Variants in OSBPL10 observed in about 807,000 individuals in gnomAD.
OSBPL10 encodes oxysterol binding protein like 10, also known as oxysterol-binding protein-related protein 10.
A neutral mutation model predicts 81.7 loss-of-function variants in OSBPL10; 49 were observed. That is an observed-to-expected ratio of 0.60 (90% CI 0.48 to 0.76). OSBPL10 has a LOEUF of 0.76. Ranked by LOEUF, OSBPL10 falls within the 30% of genes least tolerant of loss-of-function variation. The pLI is 0.00. For missense variants in OSBPL10, 923 were observed against 987.8 expected, an observed-to-expected ratio of 0.93 and a Z score of 0.88; for synonymous variants, 419 against 383.6, an observed-to-expected ratio of 1.09 and a Z score of -1.08.
At chr3:32,001,426 C>T (rs888215957) in intron 2 of OSBPL10, among the ~76,000 whole-genome samples, 4 of 152,086 alleles carry the variant, frequency 2.6e-5, no homozygotes, top group African/African-American at 9.7e-5. Flanking sequence ...CATTTTACAT[C>T]TATTATTGCT....
intron 2 of OSBPL10, among the ~76,000 whole-genome samples, chr3:32,001,100 G>A (rs947721017): frequency 6.6e-6 from 1 of 152,202 alleles, no homozygotes; most frequent in African/African-American, 2.4e-5. Context: ...TAGGGGCGCT[G>A]TTGTCTGTCC....
intron 5 of OSBPL10, among the ~76,000 whole-genome samples, chr3:31,737,786 G>A (rs144175673): frequency 0.037 from 5,597 of 152,120 alleles, 351 homozygotes; most frequent in African/African-American, 0.13. Context: ...GAGGTCAGGA[G>A]TTCGAGACCA....
chr3:31,669,428 G>A, intron 9 of OSBPL10, among the ~76,000 whole-genome samples: 1 of 152,214 alleles, frequency 6.6e-6, no homozygotes, highest in South Asian at 2.1e-4. Context: ...GGTCTATTTT[G>A]TATGGGGTCA....
At chr3:31,815,139 GA>G (rs1699806285) in intron 4 of OSBPL10, among the ~76,000 whole-genome samples, 1 of 22,302 alleles carries the variant, frequency 4.5e-5, no homozygotes, top group Non-Finnish European at 1.3e-4. Context: ...CATGAACACA[GA>G]GAGATGCCCT....
At chr3:31,961,906 GGT>G (rs1491575108) in intron 1 of OSBPL10, among the ~76,000 whole-genome samples, 1 of 110,374 alleles carries the variant, frequency 9.1e-6, no homozygotes, top group African/African-American at 5.9e-5. Flanking sequence ...GTTTTGTTTT[GGT>G]TTTTTTTTTT....
At chr3:31,946,075 G>A (rs956468661) in intron 1 of OSBPL10, among the ~76,000 whole-genome samples, 7 of 151,924 alleles carry the variant, frequency 4.6e-5, no homozygotes, top group Non-Finnish European at 8.8e-5. Context: ...CCGCCTCCCA[G>A]GTTCAAGTGA....
chr3:32,075,629 G>T (rs1699868178), intron 1 of OSBPL10, among the ~76,000 whole-genome samples: 1 of 152,124 alleles, frequency 6.6e-6, no homozygotes, highest in Non-Finnish European at 1.5e-5. Flanking sequence ...TCCCACTGTA[G>T]GTTTCCACAC....
At chr3:31,709,111 G>T in intron 6 of OSBPL10, 1 of 871,626 alleles carries the variant, frequency 1.1e-6, no homozygotes, top group Non-Finnish European at 1.4e-6. Flanking sequence ...TGGAGAAGCT[G>T]GATCTTATCC....
At chr3:32,047,120 G>C (rs1699628909) in intron 1 of OSBPL10, among the ~76,000 whole-genome samples, 1 of 152,102 alleles carries the variant, frequency 6.6e-6, no homozygotes, top group African/African-American at 2.4e-5. Flanking sequence ...TGAGACTCTA[G>C]GTGTGTGCCA....
At chr3:31,875,153 G>A (rs781037223) in intron 3 of OSBPL10, among the ~76,000 whole-genome samples, 15 of 148,692 alleles carry the variant, frequency 1.0e-4, no homozygotes, top group Admixed American at 5.4e-4. Context: ...ATGTATTTAC[G>A]TAGATACAGT....
intron 1 of OSBPL10, among the ~76,000 whole-genome samples, chr3:31,920,415 T>C (rs532296713): frequency 6.6e-5 from 10 of 152,066 alleles, no homozygotes; most frequent in African/African-American, 2.4e-4. Context: ...CTGAAGGAGG[T>C]AGGAGAAAGA....
At chr3:31,712,925 T>A (rs1302870408) in intron 6 of OSBPL10, among the ~76,000 whole-genome samples, 1 of 116,006 alleles carries the variant, frequency 8.6e-6, no homozygotes, top group Non-Finnish European at 2.3e-5. Flanking sequence ...TTTAATTTCT[T>A]GCTTACGCAC....
At position 31,747,899 on chromosome 3, in the gene OSBPL10, G is replaced by A. The variant is rs9819841; in HGVS notation, c.940+11C>T. On this transcript the variant is annotated intron_variant, in intron 5 of 11. Coordinates refer to ENST00000396556, the MANE Select transcript of OSBPL10 (RefSeq NM_017784.5). ...TCATCCCAAACATGGACAAGCCCCC[G>A]GGGGTCTTACCCGAGGCTCCTGGCT... is the stretch of plus-strand genomic sequence containing the variant. 1,427 of 1,612,102 alleles carry A rather than the reference G, an allele frequency of 8.9e-4. 13 individuals carry two copies. The African/African-American group carries it at 0.017, about 19-fold the overall frequency.
chr3:31,876,238 G>A (rs912930219), intron 3 of OSBPL10, among the ~76,000 whole-genome samples, 195 bp downstream of exon 3: 20 of 152,254 alleles, frequency 1.3e-4, no homozygotes, highest in African/African-American at 3.9e-4. Flanking sequence ...GCGTGCCTGC[G>A]TATTCTACCT....
intron 6 of OSBPL10, among the ~76,000 whole-genome samples, chr3:31,706,391 C>T (rs974060644): frequency 2.0e-5 from 3 of 152,184 alleles, no homozygotes; most frequent in African/African-American, 7.2e-5. Flanking sequence ...TTAGAAGGGT[C>T]TCTGCCCCTT....
chr3:31,770,963 G>A (rs1698364211), intron 4 of OSBPL10, among the ~76,000 whole-genome samples: 1 of 152,136 alleles, frequency 6.6e-6, no homozygotes, highest in African/African-American at 2.4e-5. Flanking sequence ...GTAGGCTGAG[G>A]ACACCACTTA....
chr3:31,964,437 G>C (rs145206474), intron 1 of OSBPL10, among the ~76,000 whole-genome samples: 31 of 152,304 alleles, frequency 2.0e-4, no homozygotes, highest in Middle Eastern at 6.8e-3. Flanking sequence ...GATTACAGGC[G>C]TCAGCCATGG....
chr3:31,844,323 G>T (rs1187857544), intron 3 of OSBPL10, among the ~76,000 whole-genome samples: 1 of 152,078 alleles, frequency 6.6e-6, no homozygotes, highest in Non-Finnish European at 1.5e-5. Flanking sequence ...TTATACAAAA[G>T]AATTAAAAAC....
At chr3:31,724,388 G>A (rs919144889) in intron 6 of OSBPL10, among the ~76,000 whole-genome samples, 5 of 152,090 alleles carry the variant, frequency 3.3e-5, no homozygotes, top group African/African-American at 1.2e-4. Context: ...GGTGGGAGGG[G>A]AGAGAAGGAA....
Sources: allele counts gnomAD v4.1 joint callset (sites outside exome capture counted in the v4.1 genomes callset), GRCh38; gene constraint gnomAD v4.1.1; transcripts MANE v1.5; gene names NCBI Gene and HGNC (gene_info 2026-07-23, HGNC 2026-07-21).